RICTOR: variants seen among roughly 807,000 people sequenced by gnomAD.
RICTOR encodes the protein RPTOR independent companion of MTOR complex 2.
In RICTOR, 49 loss-of-function variants were observed where a neutral mutation model predicts 214.9. The observed-to-expected ratio is 0.23, with a 90% CI of 0.18 to 0.29. RICTOR has a LOEUF of 0.29. Among genes scored for constraint, RICTOR ranks in the 10% least tolerant of loss-of-function variants. RICTOR has a pLI of 1.00. For missense variants in RICTOR, 1,625 were observed against 2,047.0 expected (o/e 0.79, Z 3.98); for synonymous variants, 717 against 711.3 (o/e 1.01, Z -0.13).
intron 3 of RICTOR, among the ~76,000 whole-genome samples, chr5:39,005,098 T>TA (rs1179318185): frequency 6.6e-6 from 1 of 152,162 alleles, no homozygotes; most frequent in African/African-American, 2.4e-5. Context: ...CAGACTCTTT[T>TA]AAAGACATCT....
chr5:38,947,062 TA>T (rs2112826816), intron 32 of RICTOR, among the ~76,000 whole-genome samples: 1 of 152,268 alleles, frequency 6.6e-6, no homozygotes, highest in Admixed American at 6.5e-5. Flanking sequence ...GATAATGTTC[TA>T]AGGACTAAAT....
chr5:39,037,501 A>T (rs1430652725), intron 2 of RICTOR, among the ~76,000 whole-genome samples: 3 of 152,046 alleles, frequency 2.0e-5, no homozygotes, highest in Admixed American at 2.0e-4. Flanking sequence ...GACACAAAAA[A>T]CCCTTCAAAA....
intron 5 of RICTOR, among the ~76,000 whole-genome samples, chr5:38,997,309 T>C (rs1030560203): frequency 6.6e-6 from 1 of 152,166 alleles, no homozygotes; most frequent in African/African-American, 2.4e-5. Flanking sequence ...TTAGGCACTA[T>C]CCATAAAAAT....
intron 2 of RICTOR, among the ~76,000 whole-genome samples, chr5:39,021,928 A>T (rs1755451430): frequency 6.6e-6 from 1 of 152,164 alleles, no homozygotes; most frequent in African/African-American, 2.4e-5. Context: ...AATTAGATAA[A>T]ATATATAGAT....
intron 2 of RICTOR, among the ~76,000 whole-genome samples, chr5:39,060,508 G>A (rs1055535807): frequency 6.6e-6 from 1 of 151,960 alleles, no homozygotes; most frequent in Non-Finnish European, 1.5e-5. Flanking sequence ...GAGCGGTGAG[G>A]TATTACAGAG....
chr5:39,057,018 A>G (rs1030934312), intron 2 of RICTOR, among the ~76,000 whole-genome samples: 1 of 152,210 alleles, frequency 6.6e-6, no homozygotes, highest in African/African-American at 2.4e-5. Context: ...ACCACCTTCC[A>G]GTATGTAATA....
intron 7 of RICTOR, among the ~76,000 whole-genome samples, chr5:38,982,953 G>A (rs755480028): frequency 2.2e-4 from 33 of 151,874 alleles, no homozygotes; most frequent in Admixed American, 4.6e-4. Flanking sequence ...TTAGAATCAA[G>A]TTTCTTTTCT....
chr5:38,960,030 T>C (rs1294646788), intron 20 of RICTOR, 52 bp from the exon 21 acceptor site: 1 of 1,274,380 alleles, frequency 7.8e-7, no homozygotes, highest in Admixed American at 1.7e-5. Context: ...AAATCTGTAA[T>C]TAGAAAATCA....
rs77119966 is a variant in RICTOR at position 39,021,698 on chromosome 5, G to C, written c.98-562C>G. Among the ~76,000 whole-genome samples, 1,140 of 152,050 alleles carry C rather than the reference G, an allele frequency of 7.5e-3. 15 individuals carry two copies. The highest frequency in any genetic ancestry group is 0.026 in the African/African-American group (1,091 of 41,466). Reference sequence around the variant, plus strand: ...TGACATGGCAAGAAGGCACTTACTAGATGAAGGCCCCTCGACCTCAGACTT... The same window carrying C: ...TGACATGGCAAGAAGGCACTTACTACATGAAGGCCCCTCGACCTCAGACTT... On this transcript the variant is annotated intron_variant, in intron 2 of 37. Coordinates refer to ENST00000357387, the MANE Select transcript of RICTOR (RefSeq NM_152756.5).
In RICTOR at chr5:38,950,097, C is replaced by A. The variant is rs575438020; in HGVS notation, c.3751G>T (p.Asp1251Tyr). The A allele has an allele frequency of 1.4e-5, 22 of 1,612,774 alleles. No individual in the cohort carries two copies. Among genetic ancestry groups the A allele is most frequent in the Non-Finnish European group, 1.9e-5 (22 of 1,179,554 alleles). Residue 1251 changes from aspartate to tyrosine, a missense_variant, in exon 31 of 38, where the codon GAC (aspartate) becomes TAC (tyrosine). Physicochemically the swap from Asp to Tyr is radical, Grantham distance 160. This residue lies in a region of RICTOR where 1,214 missense variants were observed against 1,470.5 expected (regional missense o/e 0.83). Coordinates refer to ENST00000357387, the MANE Select transcript of RICTOR (RefSeq NM_152756.5). ...ACCACAGTACTCATGCTTCCACAGT[C>A]TGTGTCCATAGTTGTAGCATCTACA... is the stretch of plus-strand genomic sequence containing the variant. ...VGVDATTMDT[D>Y]CGSMSTVVST...
intron 2 of RICTOR, among the ~76,000 whole-genome samples, chr5:39,062,157 A>C (rs1197661565): frequency 6.6e-6 from 1 of 152,040 alleles, no homozygotes; most frequent in African/African-American, 2.4e-5. Flanking sequence ...TAAATAAACA[A>C]GGTAGGAAAT....
chr5:39,055,266 A>G (rs1284070577), intron 2 of RICTOR, among the ~76,000 whole-genome samples: 1 of 151,960 alleles, frequency 6.6e-6, no homozygotes, highest in East Asian at 1.9e-4. Flanking sequence ...CTCATTCATC[A>G]AGCACTAGCC....
In RICTOR at chr5:39,003,602, G is replaced by T; in HGVS notation, c.216C>A (p.His72Gln). The T allele has an allele frequency of 6.2e-7, 1 of 1,608,850 alleles. No individual in the cohort carries two copies. The highest frequency in any genetic ancestry group is 8.5e-7 in the Non-Finnish European group (1 of 1,176,694). ...AGTGAAAGCCCAGTTTTTCTTCACTGTGGCCAATATCACAAAGAAGCTGTC... is the reference window on the plus strand; with the variant it reads ...AGTGAAAGCCCAGTTTTTCTTCACTTTGGCCAATATCACAAAGAAGCTGTC... ...NFTKLLCDIG[H>Q]SEEKLGFHYE... The change falls in exon 4 of 38, where the codon CAC (histidine) becomes CAA (glutamine). Residue 72 changes from histidine (H) to glutamine (Q), a missense_variant. Physicochemically the swap from His to Gln is conservative, Grantham distance 24. Coordinates refer to ENST00000357387, the MANE Select transcript of RICTOR (RefSeq NM_152756.5).
At chr5:39,031,231 T>C (rs1238226624) in intron 2 of RICTOR, among the ~76,000 whole-genome samples, 1 of 152,224 alleles carries the variant, frequency 6.6e-6, no homozygotes, top group Non-Finnish European at 1.5e-5. Context: ...ACCAGGTTTG[T>C]TGATAACCGC....
intron 7 of RICTOR, among the ~76,000 whole-genome samples, chr5:38,990,547 C>T (rs554173313): frequency 5.1e-4 from 62 of 120,778 alleles, no homozygotes; most frequent in African/African-American, 8.4e-4. Flanking sequence ...GATATATACA[C>T]GATATACACG....
chr5:39,065,420 G>C (rs1313587582), intron 2 of RICTOR, among the ~76,000 whole-genome samples: 1 of 152,120 alleles, frequency 6.6e-6, no homozygotes, highest in African/African-American at 2.4e-5. Context: ...ATGAGATTCG[G>C]GTGGGGACAA....
intron 2 of RICTOR, among the ~76,000 whole-genome samples, chr5:39,038,361 T>G (rs1190283256): frequency 6.6e-6 from 1 of 152,206 alleles, no homozygotes; most frequent in African/African-American, 2.4e-5. Flanking sequence ...ACAGCCAATA[T>G]CATACTGAAT....
rs1747608403 is a variant in RICTOR at position 38,941,883 on chromosome 5, A to G, written c.*421T>C. 2 of 233,884 alleles carry G rather than the reference A, an allele frequency of 8.6e-6. No homozygotes were observed. Among genetic ancestry groups the G allele is most frequent in the Admixed American group, 5.6e-5 (1 of 17,806 alleles). 14.5% of individuals were successfully genotyped at this position (233,884 alleles called of 1,614,324 possible). A position where few individuals can be genotyped will look rare whatever the true frequency, so the allele number is the denominator to read the frequency against. On this transcript the variant is annotated 3_prime_UTR_variant, in exon 38 of 38. Coordinates refer to ENST00000357387, the MANE Select transcript of RICTOR (RefSeq NM_152756.5). ...GAGACACTGATTCCTGCTTTCCACA[A>G]GTTAGTTAACAAACAAGGCATCTGT...
intron 2 of RICTOR, among the ~76,000 whole-genome samples, chr5:39,024,854 C>G (rs377537544): frequency 6.6e-6 from 1 of 152,108 alleles, no homozygotes; most frequent in Non-Finnish European, 1.5e-5. Context: ...AATCTTGTTA[C>G]AAAGCAAAAT....
Sources: gnomAD v4.1 joint callset for allele counts (sites outside exome capture counted in the v4.1 genomes callset) on GRCh38, gnomAD v4.1.1 for gene constraint, gnomAD v4.1.1 regional missense constraint, MANE v1.5 for transcripts, NCBI Gene and HGNC (gene_info 2026-07-23, HGNC 2026-07-21) for gene names.